The following PAQR5 variants were observed in gnomAD, a reference collection of about 807,000 sequenced individuals.
PAQR5 encodes membrane progestin receptor gamma.
A neutral mutation model predicts 34.5 loss-of-function variants in PAQR5; 20 were observed. That is an observed-to-expected ratio of 0.58 (90% CI 0.41 to 0.84). The LOEUF (loss-of-function observed/expected upper bound fraction) is 0.84. Ranked by LOEUF, PAQR5 falls within the 40% of genes least tolerant of loss-of-function variation. The pLI, the probability that PAQR5 is intolerant of heterozygous loss-of-function variation, is 0.00. For synonymous variants in PAQR5, 131 were observed against 155.6 expected (o/e 0.84, Z 1.18); for missense variants, 378 against 412.7 (o/e 0.92, Z 0.73).
chr15:69,370,285 C>T (rs2055523442), intron 3 of PAQR5, among the ~76,000 whole-genome samples: 1 of 152,194 alleles, frequency 6.6e-6, no homozygotes, highest in South Asian at 2.1e-4. Flanking sequence ...TCTCACTGAG[C>T]TGCAGTTTTC....
chr15:69,300,493 G>A (rs988893933), intron 1 of PAQR5, among the ~76,000 whole-genome samples: 1 of 152,030 alleles, frequency 6.6e-6, no homozygotes, highest in Admixed American at 6.5e-5. Flanking sequence ...AGATCCCTTG[G>A]CACCCTTACC....
chr15:69,360,422 C>T (rs1273199471), intron 3 of PAQR5, among the ~76,000 whole-genome samples: 2 of 152,208 alleles, frequency 1.3e-5, no homozygotes, highest in Non-Finnish European at 2.9e-5. Context: ...AAGCCAGCAG[C>T]AGCTGGCTGG....
At chr15:69,366,145 C>G (rs765009492) in intron 3 of PAQR5, among the ~76,000 whole-genome samples, 5 of 152,220 alleles carry the variant, frequency 3.3e-5, no homozygotes, top group Non-Finnish European at 7.3e-5. Context: ...AACCACCTAA[C>G]CTACTTTCTG....
chr15:69,389,855 C>T lies in PAQR5; in HGVS notation c.512+75C>T, dbSNP rs2056209624. On this transcript the variant is annotated intron_variant, in intron 6 of 8. Transcript: ENST00000395407. ...CAGCTCCCTGCACTCTTTGAGGGAG[C>T]CGGGGAAGAGGTGGGCTCAATGGAA... 3.2e-6 allele frequency: 5 copies of T among 1,541,500 alleles called. No homozygotes were observed. The South Asian group carries it at 4.7e-5, about 14-fold the overall frequency.
intron 2 of PAQR5, among the ~76,000 whole-genome samples, chr15:69,358,676 G>A (rs998451540): frequency 8.6e-6 from 1 of 116,080 alleles, no homozygotes; most frequent in Non-Finnish European, 1.6e-5. Context: ...GTGTTGCTCT[G>A]GCTGGAGTGC....
chr15:69,327,232 A>T (rs1473875610), intron 1 of PAQR5, among the ~76,000 whole-genome samples: 3 of 151,774 alleles, frequency 2.0e-5, no homozygotes, highest in Non-Finnish European at 4.4e-5. Context: ...CCTGGACTCA[A>T]GTGATCTTCC....
At chr15:69,355,701 G>T (rs1324763937) in intron 2 of PAQR5, among the ~76,000 whole-genome samples, 1 of 152,082 alleles carries the variant, frequency 6.6e-6, no homozygotes, top group African/African-American at 2.4e-5. Context: ...GATTACAGGT[G>T]TAAGGCATTG....
chr15:69,369,047 AG>A (rs1225202275), intron 3 of PAQR5, among the ~76,000 whole-genome samples: 1 of 152,228 alleles, frequency 6.6e-6, no homozygotes, highest in Non-Finnish European at 1.5e-5. Context: ...TTGGCATTAC[AG>A]GGTTGAGCTA....
At position 69,299,703 on chromosome 15, in the gene PAQR5, G is replaced by C. The variant is rs185352514; in HGVS notation, c.-277+647G>C. On this transcript the variant is annotated intron_variant, in intron 1 of 8. Coordinates refer to ENST00000395407, the MANE Select transcript of PAQR5 (RefSeq NM_017705.4). ...GTCCTAGTCGGATGAGCCCAGGAGA[G>C]GGGGTGGACCCCGGCCCAGCAGAAC... Among the ~76,000 whole-genome samples the C allele has an allele frequency of 9.8e-5, 15 of 152,322 alleles. No homozygotes were observed. The East Asian group carries it at 2.5e-3, about 26-fold the overall frequency.
Position 69,359,949 on chromosome 15 carries a change from A to G in PAQR5, c.-115-17A>G, listed in dbSNP as rs1002862005. ...AGGCTGAAACTGACTGGATTTCTTC[A>G]TGCTGTCCTCTTTCAGGGAAGCGGC... On this transcript the variant is annotated splice_polypyrimidine_tract_variant and intron_variant, in intron 2 of 8. Transcript: ENST00000395407. 1 of 700,510 alleles carries G rather than the reference A, an allele frequency of 1.4e-6. No individual in the cohort carries two copies. The highest frequency in any genetic ancestry group is 2.5e-6 in the Non-Finnish European group (1 of 392,622). 43.4% of individuals were successfully genotyped at this position (700,510 alleles called of 1,614,324 possible). A position where few individuals can be genotyped will look rare whatever the true frequency, so the allele number is the denominator to read the frequency against.
At chr15:69,311,351 A>G (rs2053830480) in intron 1 of PAQR5, among the ~76,000 whole-genome samples, 1 of 152,188 alleles carries the variant, frequency 6.6e-6, no homozygotes, top group Admixed American at 6.5e-5. Context: ...TCACCGATGT[A>G]GCAAGAGAAT....
intron 2 of PAQR5, among the ~76,000 whole-genome samples, chr15:69,359,521 G>A (rs1467573982): frequency 6.6e-6 from 1 of 152,030 alleles, no homozygotes; most frequent in Non-Finnish European, 1.5e-5. Context: ...GTAACTGGGG[G>A]TTGCATGCAC....
At chr15:69,339,912 G>A (rs1325386378) in intron 2 of PAQR5, among the ~76,000 whole-genome samples, 1 of 152,160 alleles carries the variant, frequency 6.6e-6, no homozygotes, top group Non-Finnish European at 1.5e-5. Flanking sequence ...TGTTGCCCAG[G>A]CTGGAGTGCA....
chr15:69,301,113 C>A (rs28452532), intron 1 of PAQR5, among the ~76,000 whole-genome samples: 1 of 150,480 alleles, frequency 6.6e-6, no homozygotes. Flanking sequence ...AAGCAATTCT[C>A]TTGCCTCAGC....
intron 1 of PAQR5, among the ~76,000 whole-genome samples, chr15:69,313,379 G>T (rs760835168): frequency 2.4e-4 from 36 of 152,148 alleles, no homozygotes; most frequent in Non-Finnish European, 3.7e-4. Flanking sequence ...TGTGCCTGTA[G>T]TTCCAGCTAC....
chr15:69,348,457 G>A (rs981040904), intron 2 of PAQR5, among the ~76,000 whole-genome samples: 1 of 152,312 alleles, frequency 6.6e-6, no homozygotes, highest in Middle Eastern at 3.4e-3. Context: ...GCTTTGCTGG[G>A]ATTTCTCAGA....
intron 2 of PAQR5, among the ~76,000 whole-genome samples, chr15:69,347,758 C>T (rs117585133): frequency 1.2e-4 from 19 of 152,294 alleles, no homozygotes; most frequent in Non-Finnish European, 2.2e-4. Context: ...TGTCTTCTTG[C>T]TGTGTCTTCC....
intron 1 of PAQR5, among the ~76,000 whole-genome samples, chr15:69,322,720 A>AGGG (rs2054131194): frequency 1.3e-4 from 3 of 23,014 alleles, no homozygotes; most frequent in South Asian, 4.5e-3. Context: ...GAAGAAGAAG[A>AGGG]AGAAGAAGAA....
intron 1 of PAQR5, among the ~76,000 whole-genome samples, chr15:69,331,762 T>C (rs181222200): frequency 3.3e-5 from 5 of 152,336 alleles, no homozygotes; most frequent in Non-Finnish European, 7.3e-5. Flanking sequence ...ACCAGACTTA[T>C]ATTGGGTGCT....
Sources: gnomAD v4.1 joint callset for allele counts (sites outside exome capture counted in the v4.1 genomes callset) on GRCh38, gnomAD v4.1.1 for gene constraint, MANE v1.5 for transcripts, NCBI Gene and HGNC (gene_info 2026-07-23, HGNC 2026-07-21) for gene names.